The following SNX2 variants were observed in gnomAD, a reference collection of about 807,000 sequenced individuals.
SNX2 encodes sorting nexin-2.
Under a neutral mutation model 69.9 loss-of-function variants are expected in SNX2, and 25 were observed. That is an observed-to-expected ratio of 0.36 (90% CI 0.26 to 0.50). The LOEUF (loss-of-function observed/expected upper bound fraction) is 0.50, where lower values mean the gene tolerates loss of function less well. Ranked by LOEUF, SNX2 falls within the 20% of genes least tolerant of loss-of-function variation. The pLI is 0.97. For missense variants in SNX2, 551 were observed against 613.3 expected (o/e 0.90, Z 1.07); for synonymous variants, 229 against 200.4 (o/e 1.14, Z -1.20).
intron 11 of SNX2, among the ~76,000 whole-genome samples, chr5:122,822,604 A>C (rs1452372415): frequency 6.6e-6 from 1 of 152,216 alleles, no homozygotes; most frequent in Non-Finnish European, 1.5e-5. Flanking sequence ...ACTAAAGAAA[A>C]AGCTACATTT....
chr5:122,822,681 T>C (rs1754051449), intron 11 of SNX2, among the ~76,000 whole-genome samples: 1 of 152,206 alleles, frequency 6.6e-6, no homozygotes, highest in African/African-American at 2.4e-5. Context: ...CTCTTTTGTA[T>C]AGTACATGGT....
At chr5:122,777,299 G>A (rs181396474) in intron 1 of SNX2, among the ~76,000 whole-genome samples, 1 of 152,188 alleles carries the variant, frequency 6.6e-6, no homozygotes, top group Admixed American at 6.5e-5. Flanking sequence ...GTGCAAATTC[G>A]GATTCTGTAG....
At chr5:122,820,553 G>A (rs977496037) in intron 11 of SNX2, among the ~76,000 whole-genome samples, 1 of 151,526 alleles carries the variant, frequency 6.6e-6, no homozygotes, top group Non-Finnish European at 1.5e-5. Context: ...AAAAGAATAC[G>A]TATCTGCTAA....
At chr5:122,820,308 C>T (rs1005910350) in intron 11 of SNX2, among the ~76,000 whole-genome samples, 4 of 152,106 alleles carry the variant, frequency 2.6e-5, no homozygotes, top group Admixed American at 6.5e-5. Flanking sequence ...GAGGCCGAGG[C>T]GGGTGGATCA....
At chr5:122,812,945 T>C (rs190041708) in intron 7 of SNX2, among the ~76,000 whole-genome samples, 1 of 152,370 alleles carries the variant, frequency 6.6e-6, no homozygotes, top group East Asian at 1.9e-4. Flanking sequence ...TTATTTTGTT[T>C]TGTTTCTGGT....
At chr5:122,775,936 C>T (rs1183411460) in intron 1 of SNX2, among the ~76,000 whole-genome samples, 3 of 151,786 alleles carry the variant, frequency 2.0e-5, no homozygotes, top group Non-Finnish European at 4.4e-5. Context: ...CTCCTTTTTC[C>T]TCTTTTCTCG....
Position 122,816,911 on chromosome 5 carries a change from C to T in SNX2, c.799-4C>T. 6.3e-7 allele frequency: 1 copy of T among 1,591,722 alleles called. No individual in the cohort carries two copies. The highest frequency in any genetic ancestry group is 8.6e-7 in the Non-Finnish European group (1 of 1,162,322). ...GTTTGCCCTTATTTGTCATTCAATT[C>T]CAGCTGCCTAGAGCAGTTAATACAC... On this transcript the variant is annotated splice_polypyrimidine_tract_variant and splice_region_variant and intron_variant, in intron 8 of 14. Coordinates refer to ENST00000379516, the MANE Select transcript of SNX2 (RefSeq NM_003100.4).
chr5:122,826,830 T>C (rs1754159910), intron 12 of SNX2, among the ~76,000 whole-genome samples: 1 of 152,032 alleles, frequency 6.6e-6, no homozygotes, highest in African/African-American at 2.4e-5. Context: ...TTAATATTTA[T>C]TGATGGTCTT....
chr5:122,790,314 T>C (rs1201298613), intron 1 of SNX2, among the ~76,000 whole-genome samples: 1 of 152,028 alleles, frequency 6.6e-6, no homozygotes, highest in Non-Finnish European at 1.5e-5. Flanking sequence ...AGAGACGGGG[T>C]TTCTCCATGT....
At chr5:122,797,208 G>A (rs561143862) in intron 2 of SNX2, among the ~76,000 whole-genome samples, 15 of 152,158 alleles carry the variant, frequency 9.9e-5, no homozygotes, top group Non-Finnish European at 1.6e-4. Context: ...GATTACAGGC[G>A]TGAGCCACTG....
chr5:122,801,765 T>G (rs1433862505), intron 3 of SNX2, 104 bp from the exon 4 acceptor site: 1 of 718,102 alleles, frequency 1.4e-6, no homozygotes, highest in Non-Finnish European at 2.3e-6. Context: ...CTAAATTATT[T>G]GTTGTGACAG....
At chr5:122,789,124 CTGT>C (rs1753154136) in intron 1 of SNX2, among the ~76,000 whole-genome samples, 1 of 152,128 alleles carries the variant, frequency 6.6e-6, no homozygotes, top group African/African-American at 2.4e-5. Context: ...TTCCAAATTT[CTGT>C]TTTGCCTTCT....
chr5:122,815,043 C>G (rs897153218), intron 7 of SNX2, among the ~76,000 whole-genome samples: 1 of 152,202 alleles, frequency 6.6e-6, no homozygotes, highest in Non-Finnish European at 1.5e-5. Flanking sequence ...GCCACCGCGC[C>G]CAGCCGATAG....
At chr5:122,801,628 G>T (rs969799903) in intron 3 of SNX2, among the ~76,000 whole-genome samples, 1 of 131,850 alleles carries the variant, frequency 7.6e-6, no homozygotes. Context: ...AAAAAAAATT[G>T]TTACTTCTCC....
intron 1 of SNX2, among the ~76,000 whole-genome samples, chr5:122,779,486 A>T (rs765085666): frequency 7.9e-5 from 12 of 152,192 alleles, no homozygotes; most frequent in Non-Finnish European, 1.0e-4. Flanking sequence ...ACGTATCAAT[A>T]CTTCATTCCT....
chr5:122,787,095 T>G (rs1753107252), intron 1 of SNX2, among the ~76,000 whole-genome samples: 1 of 152,302 alleles, frequency 6.6e-6, no homozygotes, highest in East Asian at 1.9e-4. Flanking sequence ...CATAACTTTC[T>G]CATTTGGCAG....
intron 1 of SNX2, among the ~76,000 whole-genome samples, chr5:122,780,251 C>G (rs2149999685): frequency 6.6e-6 from 1 of 152,106 alleles, no homozygotes; most frequent in East Asian, 1.9e-4. Context: ...GTGTATGAAC[C>G]AACAGAAGTC....
intron 6 of SNX2, among the ~76,000 whole-genome samples, chr5:122,804,269 G>C (rs573909786): frequency 6.6e-6 from 1 of 152,134 alleles, no homozygotes; most frequent in African/African-American, 2.4e-5. Flanking sequence ...AAGGGATGGA[G>C]GTGTTAGACC....
chr5:122,829,639 C>G lies in SNX2; in HGVS notation c.1551C>G (p.Ala517=). Residue 517 remains alanine, a synonymous_variant, in exon 15 of 15, where the codon GCC becomes GCG. Coordinates refer to ENST00000379516, the MANE Select transcript of SNX2 (RefSeq NM_003100.4). ...YWEAFLPEAK[A]IA ...AAGCATTCCTACCTGAAGCCAAAGC[C>G]ATTGCCTAGCAATAAGATTGTTGCC... 5 of 1,613,158 alleles carry G rather than the reference C, an allele frequency of 3.1e-6. No homozygotes were observed. Among genetic ancestry groups the G allele is most frequent in the Non-Finnish European group, 4.2e-6 (5 of 1,179,184 alleles).
Sources: gnomAD v4.1 joint callset for allele counts (sites outside exome capture counted in the v4.1 genomes callset) on GRCh38, gnomAD v4.1.1 for gene constraint, MANE v1.5 for transcripts, NCBI Gene and HGNC (gene_info 2026-07-23, HGNC 2026-07-21) for gene names.